Variants in DDHD1 observed in about 807,000 individuals in gnomAD.
DDHD1 encodes the protein DDHD domain containing 1.
In DDHD1, 49 loss-of-function variants were observed where a neutral mutation model predicts 96.4. The observed-to-expected ratio is 0.51, with a 90% CI of 0.40 to 0.64. The LOEUF is 0.64. Among genes scored for constraint, DDHD1 ranks in the 30% least tolerant of loss-of-function variants. The pLI is 0.00. For missense variants in DDHD1, 1,106 were observed against 1,161.2 expected (o/e 0.95, Z 0.69); for synonymous variants, 442 against 446.5 (o/e 0.99, Z 0.13).
intron 4 of DDHD1, among the ~76,000 whole-genome samples, chr14:53,076,772 C>T (rs199934229): frequency 4.6e-5 from 7 of 152,160 alleles, no homozygotes; most frequent in East Asian, 3.8e-4. Flanking sequence ...TCAACATGGA[C>T]GCAAGACCCT....
intron 1 of DDHD1, among the ~76,000 whole-genome samples, chr14:53,115,346 G>T (rs1888459728): frequency 6.6e-6 from 1 of 152,106 alleles, no homozygotes; most frequent in African/African-American, 2.4e-5. Context: ...AGCAAGGCAG[G>T]CCAACATTCA....
At chr14:53,108,122 C>G (rs574044360) in intron 1 of DDHD1, among the ~76,000 whole-genome samples, 3 of 152,250 alleles carry the variant, frequency 2.0e-5, no homozygotes, top group East Asian at 1.9e-4. Flanking sequence ...AGCTTTCATT[C>G]CCCATCCACC....
rs547731157 is a variant in DDHD1 at position 53,064,363 on chromosome 14, GA to G, written c.1504-1159del. On this transcript the variant is annotated intron_variant, in intron 6 of 12. Transcript: ENST00000673822. ...CCATGTAAATCTCAAAGCACTAAAA[GA>G]TATATACTTTAGTACTCTGACAAAA... Among the ~76,000 whole-genome samples the G allele has an allele frequency of 5.7e-3, 870 of 151,978 alleles. 7 individuals carry two copies. The highest frequency in any genetic ancestry group is 0.02 in the African/African-American group (839 of 41,504).
intron 1 of DDHD1, among the ~76,000 whole-genome samples, chr14:53,107,046 C>T (rs138983345): frequency 3.9e-5 from 6 of 152,226 alleles, no homozygotes; most frequent in African/African-American, 1.2e-4. Context: ...CTATTCTCCA[C>T]GGGCACCTTG....
At chr14:53,095,152 A>G (rs991130005) in intron 2 of DDHD1, among the ~76,000 whole-genome samples, 19 of 152,338 alleles carry the variant, frequency 1.2e-4, no homozygotes, top group African/African-American at 4.6e-4. Context: ...TTTCCTTTAT[A>G]GCTCTGGTAT....
intron 2 of DDHD1, among the ~76,000 whole-genome samples, chr14:53,095,807 G>A (rs1435690429): frequency 1.3e-5 from 2 of 152,104 alleles, no homozygotes; most frequent in Non-Finnish European, 2.9e-5. Context: ...GTGAGCAACA[G>A]ATGCTTAAAA....
At chr14:53,050,429 C>T (rs529802517) in intron 12 of DDHD1, among the ~76,000 whole-genome samples, 1 of 152,146 alleles carries the variant, frequency 6.6e-6, no homozygotes, top group African/African-American at 2.4e-5. Flanking sequence ...ACAAATCTAG[C>T]CATTCATTTC....
chr14:53,113,758 C>T (rs1413588889), intron 1 of DDHD1, among the ~76,000 whole-genome samples: 1 of 152,166 alleles, frequency 6.6e-6, no homozygotes, highest in Non-Finnish European at 1.5e-5. Context: ...TCTTGTGTGC[C>T]TACACCACCA....
Position 53,038,399 on chromosome 14 carries a change from A to G in DDHD1, c.*8369T>C, listed in dbSNP as rs943021346. ...ACGTTCAAGCTGAGAGCAAATCAAG[A>G]ACCCAATACCATTTACAATAGCCAT... On this transcript the variant is annotated 3_prime_UTR_variant, in exon 13 of 13. Transcript: ENST00000673822. The G allele has an allele frequency of 6.6e-6, 1 of 152,282 alleles. No homozygotes were observed. Among genetic ancestry groups the G allele is most frequent in the Admixed American group, 6.5e-5 (1 of 15,288 alleles). 9.4% of individuals were successfully genotyped at this position (152,282 alleles called of 1,614,324 possible).
At chr14:53,104,479 T>C (rs558953250) in intron 1 of DDHD1, among the ~76,000 whole-genome samples, 426 of 152,272 alleles carry the variant, frequency 2.8e-3, no homozygotes, top group Non-Finnish European at 4.9e-3. Context: ...AATATTAATA[T>C]AAAATCCAGA....
At position 53,043,430 on chromosome 14, in the gene DDHD1, T is replaced by C. The variant is rs969653300; in HGVS notation, c.*3338A>G. 3 of 145,702 alleles carry C rather than the reference T, an allele frequency of 2.1e-5. No individual in the cohort carries two copies. The highest frequency in any genetic ancestry group is 4.1e-4 in the East Asian group (2 of 4,856). The allele number at this position is 145,702 out of a possible 1,614,324, so 9.0% of individuals were successfully genotyped here. A position where few individuals can be genotyped will look rare whatever the true frequency, so the allele number is the denominator to read the frequency against. ...GTGTGTGTGTGTGTGTGTAAATACA[T>C]ACTTTTTTTTTTTGGATACAGTGTC... is the stretch of plus-strand genomic sequence containing the variant. On this transcript the variant is annotated 3_prime_UTR_variant, in exon 13 of 13. Transcript: ENST00000673822.
chr14:53,108,693 T>C (rs762751241), intron 1 of DDHD1, among the ~76,000 whole-genome samples: 7 of 152,242 alleles, frequency 4.6e-5, no homozygotes, highest in Non-Finnish European at 1.0e-4. Context: ...GCTGGATTAC[T>C]GTAGTCTCCC....
intron 2 of DDHD1, among the ~76,000 whole-genome samples, chr14:53,098,500 A>G (rs1273221554): frequency 6.6e-6 from 1 of 151,356 alleles, no homozygotes; most frequent in Non-Finnish European, 1.5e-5. Flanking sequence ...CCAGGGAAGC[A>G]GTCTTACACA....
At position 53,152,756 on chromosome 14, in the gene DDHD1, A is replaced by G. The variant is rs756064565; in HGVS notation, c.343T>C (p.Leu115=). The G allele has an allele frequency of 2.0e-6, 3 of 1,525,824 alleles. No individual in the cohort carries two copies. Among genetic ancestry groups the G allele is most frequent in the East Asian group, 4.9e-5 (2 of 40,708 alleles). The allele number at this position is 1,525,824 out of a possible 1,614,324, so 94.5% of individuals were successfully genotyped here. A position where few individuals can be genotyped will look rare whatever the true frequency, so the allele number is the denominator to read the frequency against. ...EGESGGGGSS[L]SLHPPQQPPL... ...GGCTGCTGCGGCGGGTGCAGCGACA[A>G]GGAGCTGCCGCCGCCGCCGCTCTCA... is the stretch of plus-strand genomic sequence containing the variant. Residue 115 remains leucine (L), a synonymous_variant, in exon 1 of 13, where the codon TTG becomes CTG. Transcript: ENST00000673822.
chr14:53,065,939 C>T (rs192453224), intron 6 of DDHD1, among the ~76,000 whole-genome samples: 1 of 152,204 alleles, frequency 6.6e-6, no homozygotes, highest in Admixed American at 6.5e-5. Flanking sequence ...TATGGTGGCC[C>T]TTGTAAGACA....
rs562193285 is a variant in DDHD1, at chr14:53,060,916, G to A, written c.1842+210C>T. Among the ~76,000 whole-genome samples the A allele has an allele frequency of 4.6e-5, 7 of 152,222 alleles. No individual in the cohort carries two copies. In the East Asian group the frequency reaches 1.2e-3, roughly 25 times the overall value. ...TACTGATAATAGCATCAATAATACT[G>A]TGCCATATAACCTGAGGACTGGGGA... On this transcript the variant is annotated intron_variant, in intron 8 of 12. Transcript: ENST00000673822.
chr14:53,080,718 T>C (rs867383880), intron 4 of DDHD1, among the ~76,000 whole-genome samples: 24 of 81,760 alleles, frequency 2.9e-4, no homozygotes, highest in South Asian at 4.9e-4. Flanking sequence ...TCCTTCCCCC[T>C]TTTTTTTTTT....
intron 6 of DDHD1, among the ~76,000 whole-genome samples, chr14:53,065,456 T>C (rs1883940184): frequency 6.6e-6 from 1 of 152,246 alleles, no homozygotes; most frequent in African/African-American, 2.4e-5. Context: ...CAGGTCTCTC[T>C]GGATTTCTTG....
chr14:53,140,291 T>C (rs1016188763), intron 1 of DDHD1, among the ~76,000 whole-genome samples: 19 of 152,216 alleles, frequency 1.2e-4, no homozygotes, highest in Non-Finnish European at 2.4e-4. Flanking sequence ...CCCAGCACTT[T>C]GGTAGGTCGA....
Sources: allele counts gnomAD v4.1 joint callset (sites outside exome capture counted in the v4.1 genomes callset), GRCh38; gene constraint gnomAD v4.1.1; transcripts MANE v1.5; gene names NCBI Gene and HGNC (gene_info 2026-07-23, HGNC 2026-07-21).